The following ABAT variants were observed in gnomAD, a reference collection of about 807,000 sequenced individuals.
ABAT encodes 4-aminobutyrate aminotransferase, also known as 4-aminobutyrate aminotransferase, mitochondrial.
In ABAT, 45 loss-of-function variants were observed where a neutral mutation model predicts 64.6. The ratio of observed to expected loss-of-function variants is 0.70; its 90% CI spans 0.55 to 0.89. The LOEUF (loss-of-function observed/expected upper bound fraction) is 0.89. Among genes scored for constraint, ABAT ranks in the 40% least tolerant of loss-of-function variants. The pLI is 0.00. For synonymous variants in ABAT, 297 were observed against 250.5 expected (o/e 1.19, Z -1.75); for missense variants, 633 against 658.4 (o/e 0.96, Z 0.42).
chr16:8,683,273 G>A (rs1289527845), intron 1 of ABAT: 3 of 153,326 alleles, frequency 2.0e-5, no homozygotes, highest in Non-Finnish European at 4.3e-5. Flanking sequence ...GGCGGCACAT[G>A]CCTGTAGTCC....
Position 8,730,968 on chromosome 16 carries a change from A to T in ABAT, c.-41-4731A>T, listed in dbSNP as rs115672339. 9.2e-3 allele frequency among the ~76,000 whole-genome samples: 1,404 copies of T among 152,230 alleles called. 14 individuals are homozygous for T. Among genetic ancestry groups the T allele is most frequent in the African/African-American group, 0.032 (1,349 of 41,536 alleles). ...TATTTATCAAGAGAAACTATTTCTA[A>T]TTTTTTGTGTGTGAGACGGTGTCTC... On this transcript the variant is annotated intron_variant, in intron 1 of 15. Transcript: ENST00000268251.
At chr16:8,777,624 T>A (rs1309359478) in intron 14 of ABAT, among the ~76,000 whole-genome samples, 1 of 152,110 alleles carries the variant, frequency 6.6e-6, no homozygotes, top group Non-Finnish European at 1.5e-5. Flanking sequence ...GGTGTCTAAA[T>A]GGAAGAGACT....
chr16:8,720,769 A>T (rs1399455565), intron 1 of ABAT: 2 of 152,290 alleles, frequency 1.3e-5, no homozygotes, highest in Non-Finnish European at 2.9e-5. Flanking sequence ...GCAGACGGGA[A>T]AGGAATGTCC....
intron 1 of ABAT, among the ~76,000 whole-genome samples, chr16:8,690,097 A>C (rs1247479629): frequency 6.6e-6 from 1 of 152,204 alleles, no homozygotes; most frequent in Non-Finnish European, 1.5e-5. Flanking sequence ...AGTTTTATTA[A>C]GCTTCATCTC....
At chr16:8,721,369 G>T (rs2058366417) in intron 1 of ABAT, among the ~76,000 whole-genome samples, 1 of 152,080 alleles carries the variant, frequency 6.6e-6, no homozygotes, top group African/African-American at 2.4e-5. Flanking sequence ...ACTCTTTATG[G>T]TAATTAACAG....
chr16:8,728,831 G>A (rs1596428905), intron 1 of ABAT, among the ~76,000 whole-genome samples: 2 of 152,052 alleles, frequency 1.3e-5, no homozygotes, highest in East Asian at 1.9e-4. Context: ...CCGAGATCAC[G>A]CCACTGTACT....
chr16:8,747,535 C>G (rs897213969), intron 3 of ABAT, among the ~76,000 whole-genome samples: 1 of 151,886 alleles, frequency 6.6e-6, no homozygotes, highest in Non-Finnish European at 1.5e-5. Flanking sequence ...GAATATTATC[C>G]TGTATTTTTA....
intron 2 of ABAT, chr16:8,736,152 T>TGA: frequency 3.0e-6 from 1 of 336,714 alleles, no homozygotes; most frequent in East Asian, 7.1e-5. Flanking sequence ...TCAGATCGTG[T>TGA]GAGACTTACT....
At chr16:8,678,719 C>A (rs1224358207) in intron 1 of ABAT, among the ~76,000 whole-genome samples, 2 of 152,130 alleles carry the variant, frequency 1.3e-5, no homozygotes, top group African/African-American at 2.4e-5. Flanking sequence ...GCTTGCAACA[C>A]TGGTATGGGA....
intron 11 of ABAT, among the ~76,000 whole-genome samples, 186 bp from the exon 12 acceptor site, chr16:8,772,594 A>G (rs1245857715): frequency 6.6e-6 from 1 of 152,226 alleles, no homozygotes; most frequent in Non-Finnish European, 1.5e-5. Context: ...GCTAGCACCG[A>G]TTTCAAGTAG....
At chr16:8,756,528 T>C (rs2059654016) in intron 5 of ABAT, among the ~76,000 whole-genome samples, 1 of 152,158 alleles carries the variant, frequency 6.6e-6, no homozygotes, top group African/African-American at 2.4e-5. Flanking sequence ...TTTAATAGAG[T>C]GGGGACCAGT....
Position 8,748,102 on chromosome 16 carries a change from C to T in ABAT, c.169-6C>T, listed in dbSNP as rs758166055. The stretch of plus-strand genomic sequence containing the variant: ...GCTATAATGCTTTTGTTGTTCTTGC[C>T]TGCAGGAGTTAATGAAACAGCTGAA... On this transcript the variant is annotated splice_polypyrimidine_tract_variant and splice_region_variant and intron_variant, in intron 3 of 15. Transcript: ENST00000268251. 4 of 1,613,142 alleles carry T rather than the reference C, an allele frequency of 2.5e-6. No homozygotes were observed. In the African/African-American group the frequency reaches 5.3e-5, roughly 22 times the overall value.
intron 2 of ABAT, among the ~76,000 whole-genome samples, chr16:8,740,183 G>T (rs1190396646): frequency 2.0e-5 from 3 of 152,260 alleles, no homozygotes; most frequent in South Asian, 2.1e-4. Flanking sequence ...GCTAAGCCCA[G>T]TTGGCTCCAG....
chr16:8,689,939 T>A (rs967292322), intron 1 of ABAT, among the ~76,000 whole-genome samples: 4 of 152,198 alleles, frequency 2.6e-5, no homozygotes, highest in African/African-American at 7.2e-5. Flanking sequence ...AGCTGGTTTT[T>A]ATACCTAGAA....
At chr16:8,704,856 T>A (rs899656743) in intron 1 of ABAT, among the ~76,000 whole-genome samples, 1 of 152,148 alleles carries the variant, frequency 6.6e-6, no homozygotes, top group Admixed American at 6.6e-5. Context: ...AAAAAATTTT[T>A]AAATTTTTGT....
At chr16:8,686,761 G>T (rs1179278553) in intron 1 of ABAT, among the ~76,000 whole-genome samples, 1 of 152,140 alleles carries the variant, frequency 6.6e-6, no homozygotes, top group Non-Finnish European at 1.5e-5. Context: ...TCTGACCTCA[G>T]TTTACTCCTC....
intron 1 of ABAT, among the ~76,000 whole-genome samples, chr16:8,726,110 C>T (rs1226853943): frequency 1.3e-5 from 2 of 152,144 alleles, no homozygotes; most frequent in Non-Finnish European, 2.9e-5. Flanking sequence ...TGGTAACCAT[C>T]CTTCTACTCT....
intron 2 of ABAT, among the ~76,000 whole-genome samples, chr16:8,745,499 C>A (rs1382369273): frequency 6.6e-6 from 1 of 151,876 alleles, no homozygotes; most frequent in Non-Finnish European, 1.5e-5. Context: ...GAGTTTGAGG[C>A]CAGCCTGGGC....
intron 1 of ABAT, among the ~76,000 whole-genome samples, chr16:8,687,961 C>T (rs143695219): frequency 7.9e-5 from 12 of 152,126 alleles, no homozygotes; most frequent in Non-Finnish European, 1.5e-4. Context: ...TGCACTGGCA[C>T]CATCGTAGCT....
Sources: gnomAD v4.1 joint callset for allele counts (sites outside exome capture counted in the v4.1 genomes callset) on GRCh38, gnomAD v4.1.1 for gene constraint, MANE v1.5 for transcripts, NCBI Gene and HGNC (gene_info 2026-07-23, HGNC 2026-07-21) for gene names.